USP42: variants seen among roughly 807,000 people sequenced by gnomAD.
The protein encoded by USP42 is ubiquitin specific peptidase 42, also known as ubiquitin carboxyl-terminal hydrolase 42.
In USP42, 23 loss-of-function variants were observed where a neutral mutation model predicts 113.0. The observed-to-expected ratio is 0.20, with a 90% CI of 0.15 to 0.29. The LOEUF (loss-of-function observed/expected upper bound fraction) is 0.29, where lower values mean the gene tolerates loss of function less well. USP42 is among the 10% of genes least tolerant of loss of function. The pLI, the probability that USP42 is intolerant of heterozygous loss-of-function variation, is 1.00. For missense variants in USP42, 2,174 were observed against 1,779.8 expected, an observed-to-expected ratio of 1.22 and a Z score of -3.99; for synonymous variants, 933 against 699.0, an observed-to-expected ratio of 1.33 and a Z score of -5.28.
chr7:6,157,420 G>C lies in USP42; in HGVS notation c.3943+365G>C, dbSNP rs1482846755. ...TTTTATTTATTTTATTTTTTGAGAC[G>C]GAGTCTTGCTCTATTGCCCAGGCTG... On this transcript the variant is annotated intron_variant, in intron 16 of 17. Transcript: ENST00000306177. This position sits in a 1 kb window ranked among gnomAD's most constrained non-coding sequence, Gnocchi z 4.1. The C allele has an allele frequency of 1.0e-6, 1 of 970,106 alleles. No homozygotes were observed. The highest frequency in any genetic ancestry group is 1.2e-6 in the Non-Finnish European group (1 of 816,096). 60.1% of individuals were successfully genotyped at this position (970,106 alleles called of 1,614,324 possible).
chr7:6,157,119 G>C lies in USP42; in HGVS notation c.3943+64G>C, dbSNP rs1782499377. On this transcript the variant is annotated intron_variant, in intron 16 of 17. Coordinates refer to ENST00000306177, the MANE Select transcript of USP42 (RefSeq NM_032172.3). This position sits in a 1 kb window ranked among gnomAD's most constrained non-coding sequence, Gnocchi z 4.1. ...TTTCTTAATACATTTTCTTTGCAAAGGTGATTAACATGTAGAAAGAAAACC... is the reference window on the plus strand; with the variant it reads ...TTTCTTAATACATTTTCTTTGCAAACGTGATTAACATGTAGAAAGAAAACC... 1.4e-6 allele frequency: 2 copies of C among 1,468,264 alleles called. No individual in the cohort carries two copies. Among genetic ancestry groups the C allele is most frequent in the Admixed American group, 2.7e-5 (1 of 37,534 alleles). The allele number at this position is 1,468,264 out of a possible 1,614,324, so 91.0% of individuals were successfully genotyped here.
upstream of USP42, among the ~76,000 whole-genome samples, chr7:6,100,120 T>C (rs1790075131): frequency 6.7e-6 from 1 of 149,736 alleles, no homozygotes; most frequent in African/African-American, 2.5e-5. Context: ...CCTAAAGTGC[T>C]GGGATTACAG....
At chr7:6,103,639 G>C (rs933659237), upstream of USP42, among the ~76,000 whole-genome samples, 2 of 149,376 alleles carry the variant, frequency 1.3e-5, no homozygotes, top group Non-Finnish European at 2.9e-5. Flanking sequence ...GGTGGCTCCG[G>C]AGTGTAATCC....
chr7:6,085,371 A>C, the USP42 span: 2 of 150,100 alleles, frequency 1.3e-5, no homozygotes, highest in Non-Finnish European at 2.9e-5. Flanking sequence ...CTGATCCACC[A>C]GCTTTGGGCT....
chr7:6,107,691 G>A (rs1251338926), intron 1 of USP42, among the ~76,000 whole-genome samples: 1 of 152,074 alleles, frequency 6.6e-6, no homozygotes, highest in Middle Eastern at 3.2e-3. Context: ...TTACAGGTGT[G>A]AGCACCTGCG....
chr7:6,120,863 G>A (rs1780189713), intron 3 of USP42, among the ~76,000 whole-genome samples: 2 of 151,910 alleles, frequency 1.3e-5, no homozygotes, highest in African/African-American at 4.8e-5. Flanking sequence ...GGATTACAGG[G>A]GTGAGCCACT....
chr7:6,139,313 C>G lies in USP42; in HGVS notation c.656+119C>G, dbSNP rs1781323305. The G allele has an allele frequency of 7.8e-6, 6 of 766,490 alleles. No homozygotes were observed. Among genetic ancestry groups the G allele is most frequent in the Non-Finnish European group, 1.2e-5 (6 of 508,490 alleles). The allele number at this position is 766,490 out of a possible 1,614,324, so 47.5% of individuals were successfully genotyped here. On this transcript the variant is annotated intron_variant, in intron 5 of 17. Coordinates refer to ENST00000306177, the MANE Select transcript of USP42 (RefSeq NM_032172.3). This position sits in a 1 kb window ranked among gnomAD's most constrained non-coding sequence, Gnocchi z 4.5. ...GCACACAGAACAGTGTTCACTTTAC[C>G]TTTTGGCTTTGCTCTGCCTCTTCCT...
chr7:6,091,260 T>C, the USP42 span, among the ~76,000 whole-genome samples: 1 of 151,006 alleles, frequency 6.6e-6, no homozygotes. Context: ...GGTCTTGCTC[T>C]GTTGCCCAGG....
chr7:6,136,025 G>A, intron 4 of USP42, 74 bp downstream of exon 4: 1 of 836,812 alleles, frequency 1.2e-6, no homozygotes, highest in South Asian at 1.9e-5. Context: ...TTTTTTTCGA[G>A]ACAGAGTCTT....
intron 3 of USP42, among the ~76,000 whole-genome samples, chr7:6,129,537 A>G (rs1376368031): frequency 7.1e-6 from 1 of 141,274 alleles, no homozygotes; most frequent in Admixed American, 7.4e-5. Flanking sequence ...AGGCTGGGTG[A>G]CAAAGTGAGG....
chr7:6,106,260 G>A (rs115460067), intron 1 of USP42, among the ~76,000 whole-genome samples: 1 of 152,186 alleles, frequency 6.6e-6, no homozygotes, highest in Non-Finnish European at 1.5e-5. Flanking sequence ...TTTAAAGCGT[G>A]TGTGTTTTCT....
chr7:6,103,323 G>A (rs1028743388), upstream of USP42, among the ~76,000 whole-genome samples: 3 of 150,700 alleles, frequency 2.0e-5, no homozygotes, highest in African/African-American at 7.5e-5. Flanking sequence ...CCACACCTGA[G>A]GTCAGGAGTT....
chr7:6,100,556 C>G (rs981048581), upstream of USP42, among the ~76,000 whole-genome samples: 1 of 150,830 alleles, frequency 6.6e-6, no homozygotes, highest in Non-Finnish European at 1.5e-5. Context: ...TCTCGAACTC[C>G]TGACCTCAGG....
intron 3 of USP42, among the ~76,000 whole-genome samples, chr7:6,127,296 A>T (rs996947765): frequency 2.0e-5 from 3 of 152,092 alleles, no homozygotes; most frequent in Non-Finnish European, 4.4e-5. Flanking sequence ...AATTTTGGTG[A>T]AGTTCAATTG....
In USP42 at chr7:6,149,757, A is replaced by C; in HGVS notation, c.1561A>C (p.Lys521Gln). ...GATCCCAGAACATCCTAAGAAACAAAAAATTACAATCAGTATTCACAACAA... is the reference window on the plus strand; with the variant it reads ...GATCCCAGAACATCCTAAGAAACAACAAATTACAATCAGTATTCACAACAA... ...SVIPEHPKKQ[K>Q]ITISIHNKLP... is the part of the protein sequence containing the mutation. The change falls in exon 13 of 18, where the codon AAA becomes CAA. Residue 521 changes from lysine to glutamine, a missense_variant. Lys to Gln is a moderately conservative substitution (Grantham distance 53). Coordinates refer to ENST00000306177, the MANE Select transcript of USP42 (RefSeq NM_032172.3). 1 of 1,614,026 alleles carries C rather than the reference A, an allele frequency of 6.2e-7. No individual in the cohort carries two copies. The highest frequency in any genetic ancestry group is 8.5e-7 in the Non-Finnish European group (1 of 1,179,900).
chr7:6,095,906 G>T, the USP42 span, among the ~76,000 whole-genome samples: 1 of 150,628 alleles, frequency 6.6e-6, no homozygotes, highest in Admixed American at 6.6e-5. Flanking sequence ...GGGACCACAG[G>T]TGCCACCATA....
intron 2 of USP42, among the ~76,000 whole-genome samples, chr7:6,113,093 C>CG (rs1779690409): frequency 6.6e-6 from 1 of 151,526 alleles, no homozygotes; most frequent in Non-Finnish European, 1.5e-5. Context: ...TTAGTAGAGA[C>CG]GGGGTTTCAC....
At chr7:6,084,173 T>C in the USP42 span, among the ~76,000 whole-genome samples, 2 of 150,928 alleles carry the variant, frequency 1.3e-5, no homozygotes, top group Non-Finnish European at 2.9e-5. Context: ...ACTACAGGCA[T>C]GAGCCACCAC....
intron 2 of USP42, among the ~76,000 whole-genome samples, chr7:6,114,672 ATATATATTTTTTTTTTTTTT>A (rs1779800572): frequency 3.0e-5 from 1 of 33,740 alleles, no homozygotes; most frequent in Non-Finnish European, 4.9e-5. Context: ...ATATATATAT[ATATATATTTTTTTTTTTTTT>A]TTTTTTTTTT....
Sources: gnomAD v4.1 joint callset for allele counts (sites outside exome capture counted in the v4.1 genomes callset) on GRCh38, gnomAD v4.1.1 for gene constraint, Gnocchi (gnomAD v3.1) non-coding constraint, MANE v1.5 for transcripts, NCBI Gene and HGNC (gene_info 2026-07-23, HGNC 2026-07-21) for gene names.